Variants in PRKAG2 observed in about 807,000 individuals in gnomAD.
The protein encoded by PRKAG2 is 5'-AMP-activated protein kinase subunit gamma-2.
PRKAG2 carries 26 observed loss-of-function variants against 69.6 expected under a neutral mutation model. The ratio of observed to expected loss-of-function variants is 0.37; its 90% CI spans 0.27 to 0.52. The LOEUF (loss-of-function observed/expected upper bound fraction) is 0.52, where lower values mean the gene tolerates loss of function less well. Among genes scored for constraint, PRKAG2 ranks in the 20% least tolerant of loss-of-function variants. The pLI is 0.90. For missense variants in PRKAG2, 557 were observed against 740.0 expected, an observed-to-expected ratio of 0.75 and a Z score of 2.87; for synonymous variants, 293 against 285.0, an observed-to-expected ratio of 1.03 and a Z score of -0.28.
chr7:151,559,494 G>A lies in PRKAG2; in HGVS notation c.1678+1030C>T, dbSNP rs187342132. 325 of 982,692 alleles carry A rather than the reference G, an allele frequency of 3.3e-4. 2 individuals are homozygous for A. In the African/African-American group the frequency reaches 5.1e-3, roughly 15 times the overall value. The allele number at this position is 982,692 out of a possible 1,614,324, so 60.9% of individuals were successfully genotyped here. A position where few individuals can be genotyped will look rare whatever the true frequency, so the allele number is the denominator to read the frequency against. ...CCCAACATGAACATTTCATTTTCTAGTAAATTCCAGGTGGTGGTGATGATG... is the reference window on the plus strand; with the variant it reads ...CCCAACATGAACATTTCATTTTCTAATAAATTCCAGGTGGTGGTGATGATG... On this transcript the variant is annotated intron_variant, in intron 15 of 15. Coordinates refer to ENST00000287878, the MANE Select transcript of PRKAG2 (RefSeq NM_016203.4).
intron 2 of PRKAG2, 148 bp downstream of exon 2, chr7:151,786,322 G>A (rs1042174362): frequency 8.0e-5 from 63 of 789,202 alleles, no homozygotes; most frequent in Non-Finnish European, 1.2e-4. Context: ...GTGAGCTGTC[G>A]CAGGATGGGC....
intron 6 of PRKAG2, among the ~76,000 whole-genome samples, chr7:151,590,391 A>T (rs542837934): frequency 5.7e-4 from 87 of 152,292 alleles, no homozygotes; most frequent in African/African-American, 2.0e-3. Flanking sequence ...GCACAGGCGG[A>T]ATTGGTGGCA....
In PRKAG2 at chr7:151,557,224, G is replaced by C. The variant is rs397517267; in HGVS notation, c.1687C>G (p.Gln563Glu). Residue 563 changes from glutamine (Q) to glutamate (E), a missense_variant, in exon 16 of 16, where the codon CAA (glutamine) becomes GAA (glutamate). Coordinates refer to ENST00000287878, the MANE Select transcript of PRKAG2 (RefSeq NM_016203.4). ...GGTCACTCCGTTTCTGTCTCCTTTT[G>C]TTTGGCACCTGTCAGTGGATGGAAG... is the stretch of plus-strand genomic sequence containing the variant. Reference protein sequence around the residue: ...ALILTPAGAKQKETETE With the variant: ...ALILTPAGAKEKETETE The C allele has an allele frequency of 1.9e-6, 3 of 1,613,988 alleles. No homozygotes were observed. Among genetic ancestry groups the C allele is most frequent in the Non-Finnish European group, 2.5e-6 (3 of 1,180,010 alleles).
At chr7:151,763,847 C>T (rs934064326) in intron 3 of PRKAG2, among the ~76,000 whole-genome samples, 2 of 152,252 alleles carry the variant, frequency 1.3e-5, no homozygotes, top group African/African-American at 4.8e-5. Flanking sequence ...CGAGCCCTAA[C>T]ACCCATTTGC....
intron 3 of PRKAG2, among the ~76,000 whole-genome samples, chr7:151,737,108 C>T (rs969671506): frequency 2.6e-5 from 4 of 152,184 alleles, no homozygotes; most frequent in Non-Finnish European, 5.9e-5. Flanking sequence ...ACTAAAGTTA[C>T]CTGCTTTGCT....
intron 6 of PRKAG2, among the ~76,000 whole-genome samples, chr7:151,591,110 T>A (rs898925353): frequency 1.2e-4 from 19 of 152,202 alleles, no homozygotes; most frequent in Non-Finnish European, 2.5e-4. Context: ...CCCTGAGGAA[T>A]GTACAGGTGA....
chr7:151,604,517 G>GGCCC (rs764637847), intron 5 of PRKAG2, among the ~76,000 whole-genome samples: 14 of 151,972 alleles, frequency 9.2e-5, no homozygotes, highest in Non-Finnish European at 1.9e-4. Context: ...GCACACCTAT[G>GGCCC]GCCCCAGCCT....
At chr7:151,853,056 G>C (rs895666176) in intron 1 of PRKAG2, among the ~76,000 whole-genome samples, 5 of 152,202 alleles carry the variant, frequency 3.3e-5, no homozygotes, top group African/African-American at 1.2e-4. Context: ...TAAACCTAGT[G>C]TCTCTGGACT....
chr7:151,620,288 T>C (rs1821160051), intron 5 of PRKAG2, among the ~76,000 whole-genome samples: 1 of 152,184 alleles, frequency 6.6e-6, no homozygotes, highest in Non-Finnish European at 1.5e-5. Flanking sequence ...TTCTCTCCTT[T>C]ATCAACAACA....
chr7:151,806,628 G>T, intron 1 of PRKAG2: 1 of 175,592 alleles, frequency 5.7e-6, no homozygotes, highest in Non-Finnish European at 1.2e-5. Flanking sequence ...TCAAAATTTA[G>T]GATCAATGGG....
chr7:151,796,770 G>A (rs1308692870), intron 1 of PRKAG2, among the ~76,000 whole-genome samples: 1 of 152,134 alleles, frequency 6.6e-6, no homozygotes, highest in African/African-American at 2.4e-5. Flanking sequence ...GTAAATGACT[G>A]AGGACGGCCC....
At chr7:151,633,285 T>TA (rs1342448676) in intron 4 of PRKAG2, 1 of 152,164 alleles carries the variant, frequency 6.6e-6, no homozygotes, top group African/African-American at 2.4e-5. Flanking sequence ...TGTTTCATGG[T>TA]AAAAAGCTAC....
chr7:151,839,752 C>T (rs2151884562), intron 1 of PRKAG2, among the ~76,000 whole-genome samples: 1 of 152,276 alleles, frequency 6.6e-6, no homozygotes, highest in South Asian at 2.1e-4. Flanking sequence ...GTGCTGAGCC[C>T]CAAGTGGTCA....
chr7:151,804,285 G>T (rs1288503223), intron 1 of PRKAG2, among the ~76,000 whole-genome samples: 1 of 152,178 alleles, frequency 6.6e-6, no homozygotes, highest in Non-Finnish European at 1.5e-5. Context: ...CAATTACAGA[G>T]AATTAATACA....
chr7:151,613,016 C>T (rs1046612601), intron 5 of PRKAG2, among the ~76,000 whole-genome samples: 2 of 152,142 alleles, frequency 1.3e-5, no homozygotes, highest in African/African-American at 2.4e-5. Flanking sequence ...CCCCAGAATA[C>T]GGGAGCCCAG....
intron 4 of PRKAG2, among the ~76,000 whole-genome samples, chr7:151,655,617 T>G (rs1301959231): frequency 6.6e-6 from 1 of 151,898 alleles, no homozygotes; most frequent in Non-Finnish European, 1.5e-5. Flanking sequence ...AAATGAGAGG[T>G]CCCTTGTTCA....
intron 3 of PRKAG2, among the ~76,000 whole-genome samples, chr7:151,693,885 GT>G (rs1836136653): frequency 6.6e-6 from 1 of 152,052 alleles, no homozygotes; most frequent in Non-Finnish European, 1.5e-5. Flanking sequence ...TTCTTTTTTT[GT>G]TTTGAGACGG....
At chr7:151,580,999 C>T (rs1408652601) in intron 6 of PRKAG2, among the ~76,000 whole-genome samples, 1 of 152,084 alleles carries the variant, frequency 6.6e-6, no homozygotes, top group Admixed American at 6.5e-5. Context: ...GTTATGGACA[C>T]CCCATTTATC....
chr7:151,586,987 C>G (rs75360367), intron 6 of PRKAG2, among the ~76,000 whole-genome samples: 3,866 of 152,212 alleles, frequency 0.025, 75 homozygotes, highest in Middle Eastern at 0.054. Flanking sequence ...ACGGTGAAAC[C>G]AAGCCTTTAC....
Sources: gnomAD v4.1 joint callset for allele counts (sites outside exome capture counted in the v4.1 genomes callset) on GRCh38, gnomAD v4.1.1 for gene constraint, MANE v1.5 for transcripts, NCBI Gene and HGNC (gene_info 2026-07-23, HGNC 2026-07-21) for gene names.